PCBP3: variants seen among roughly 807,000 people sequenced by gnomAD.
The protein encoded by PCBP3 is poly(rC) binding protein 3, also known as poly(rC)-binding protein 3.
Under a neutral mutation model 52.7 loss-of-function variants are expected in PCBP3, and 25 were observed. The observed-to-expected ratio is 0.47, with a 90% CI of 0.35 to 0.66. The LOEUF is 0.66. Among genes scored for constraint, PCBP3 ranks in the 30% least tolerant of loss-of-function variants. The pLI is 0.01. For missense variants in PCBP3, 391 were observed against 490.3 expected (o/e 0.80, Z 1.91); for synonymous variants, 162 against 183.0 (o/e 0.89, Z 0.93).
chr21:45,910,993 T>C lies in PCBP3; in HGVS notation c.563T>C (p.Ile188Thr), dbSNP rs768634544. 1 of 1,611,774 alleles carries C rather than the reference T, an allele frequency of 6.2e-7. No individual in the cohort carries two copies. Among genetic ancestry groups the C allele is most frequent in the South Asian group, 1.1e-5 (1 of 91,064 alleles). ...VTISGTPDAI[I>T]QCVKQICVVM... is the part of the protein sequence containing the mutation. ...ATCTCGGGGACCCCAGATGCCATCA[T>C]CCAGTGCGTCAAGCAGATCTGTGTG... is the stretch of plus-strand genomic sequence containing the variant. The change falls in exon 11 of 18, where the codon ATC (isoleucine) becomes ACC (threonine). Residue 188 changes from isoleucine (I) to threonine (T), a missense_variant. Ile to Thr is a moderately conservative substitution (Grantham distance 89, BLOSUM62 -1). Coordinates refer to ENST00000681687, the MANE Select transcript of PCBP3 (RefSeq NM_001384156.1).
rs186328041 is a variant in PCBP3 at position 45,925,746 on chromosome 21, T to C, written c.718-4171T>C. On this transcript the variant is annotated intron_variant, in intron 13 of 17. Transcript: ENST00000681687. ...AAAAACTTTACTCATTACATGTTGA[T>C]AGAAAATTCAGCTCACAAGAAGATA... is the stretch of plus-strand genomic sequence containing the variant. Among the ~76,000 whole-genome samples the C allele has an allele frequency of 3.0e-3, 463 of 152,328 alleles. 1 individual carries two copies. Among genetic ancestry groups the C allele is most frequent in the African/African-American group, 0.01 (427 of 41,570 alleles).
At chr21:45,898,765 G>C (rs111468319) in intron 6 of PCBP3, among the ~76,000 whole-genome samples, 363 of 14,968 alleles carry the variant, frequency 0.024, no homozygotes, top group African/African-American at 0.031. Flanking sequence ...GCCTCCCTCT[G>C]CCTCCACGGG....
intron 4 of PCBP3, among the ~76,000 whole-genome samples, chr21:45,757,635 C>T (rs1310679967): frequency 3.3e-5 from 5 of 152,190 alleles, no homozygotes; most frequent in African/African-American, 1.2e-4. Flanking sequence ...GTGTTTTCCT[C>T]TAAGAAGTTT....
rs17004803 is a variant in PCBP3 at position 45,764,526 on chromosome 21, T to C, written c.-126+9074T>C. 5.8e-3 allele frequency among the ~76,000 whole-genome samples: 886 copies of C among 152,346 alleles called. 9 individuals carry two copies. The highest frequency in any genetic ancestry group is 0.02 in the African/African-American group (827 of 41,576). ...AGGGGTGCTGCATGTTCTGACCCTA[T>C]TTCTGACCACTTCCGTTAACCCTGC... On this transcript the variant is annotated intron_variant, in intron 4 of 17. Transcript: ENST00000681687.
intron 1 of PCBP3, among the ~76,000 whole-genome samples, chr21:45,661,928 A>G (rs927065835): frequency 1.3e-5 from 2 of 151,956 alleles, no homozygotes; most frequent in Admixed American, 6.6e-5. Flanking sequence ...TTTTTTGGCC[A>G]TTTGTATATC....
intron 2 of PCBP3, among the ~76,000 whole-genome samples, chr21:45,669,805 GTATATA>G (rs773020402): frequency 0.015 from 753 of 49,670 alleles, 4 homozygotes; most frequent in South Asian, 0.031. Flanking sequence ...GTGTGTGTGT[GTATATA>G]TATATATATA....
chr21:45,720,611 C>T (rs2084559718), intron 2 of PCBP3, among the ~76,000 whole-genome samples: 1 of 152,196 alleles, frequency 6.6e-6, no homozygotes, highest in South Asian at 2.1e-4. Context: ...TTCACAAATA[C>T]AATAATTGTA....
At chr21:45,655,129 G>A (rs1253974172) in intron 1 of PCBP3, among the ~76,000 whole-genome samples, 10 of 151,982 alleles carry the variant, frequency 6.6e-5, no homozygotes, top group South Asian at 4.1e-4. Flanking sequence ...TAGACATTTC[G>A]GTTGTTTTTT....
intron 1 of PCBP3, among the ~76,000 whole-genome samples, chr21:45,663,488 C>T (rs1188968575): frequency 6.6e-6 from 1 of 152,086 alleles, no homozygotes; most frequent in African/African-American, 2.4e-5. Flanking sequence ...TACATCTTTC[C>T]TAGGTTTTCT....
chr21:45,650,218 G>T (rs1399660828), intron 1 of PCBP3, among the ~76,000 whole-genome samples: 1 of 151,956 alleles, frequency 6.6e-6, no homozygotes, highest in African/African-American at 2.4e-5. Context: ...TGCATCTGTA[G>T]TCCTAGCTAC....
chr21:45,910,826 G>A lies in PCBP3; in HGVS notation c.472-76G>A, dbSNP rs112356833. 8.0e-4 allele frequency: 1,156 copies of A among 1,451,574 alleles called. 4 individuals carry two copies. In the African/African-American group the frequency reaches 0.011, roughly 14 times the overall value. 89.9% of individuals were successfully genotyped at this position (1,451,574 alleles called of 1,614,324 possible). On this transcript the variant is annotated intron_variant, in intron 10 of 17. Coordinates refer to ENST00000681687, the MANE Select transcript of PCBP3 (RefSeq NM_001384156.1). ...GGAAGTGTCCCCCGAGCTGCCTTGG[G>A]TGCCGAGACTCGGGAGGTACTGCTG... is the stretch of plus-strand genomic sequence containing the variant.
chr21:45,692,860 C>CT (rs2082563851), intron 2 of PCBP3, among the ~76,000 whole-genome samples: 1 of 152,126 alleles, frequency 6.6e-6, no homozygotes, highest in African/African-American at 2.4e-5. Context: ...CCTCATGTAA[C>CT]TAGGTACTAA....
intron 2 of PCBP3, among the ~76,000 whole-genome samples, chr21:45,699,200 A>G (rs548485708): frequency 5.2e-4 from 79 of 152,324 alleles, no homozygotes; most frequent in African/African-American, 1.7e-3. Flanking sequence ...CCACACCTCT[A>G]AGTCCCCAGC....
chr21:45,878,480 C>G (rs577614807), intron 5 of PCBP3, among the ~76,000 whole-genome samples: 1 of 152,360 alleles, frequency 6.6e-6, no homozygotes, highest in East Asian at 1.9e-4. Context: ...TGGGCACTGC[C>G]TGCCCTCTCT....
intron 2 of PCBP3, among the ~76,000 whole-genome samples, chr21:45,723,463 T>A (rs900266858): frequency 2.0e-5 from 3 of 152,260 alleles, no homozygotes; most frequent in Non-Finnish European, 4.4e-5. Flanking sequence ...TAGTGAATTT[T>A]AAAATTTTAA....
chr21:45,818,116 G>A (rs1165372435), intron 4 of PCBP3, among the ~76,000 whole-genome samples: 3 of 152,046 alleles, frequency 2.0e-5, no homozygotes, highest in Non-Finnish European at 4.4e-5. Flanking sequence ...TCCACCTCCC[G>A]GGTTCACACC....
At chr21:45,847,140 T>G (rs1050416162) in intron 4 of PCBP3, among the ~76,000 whole-genome samples, 1 of 152,214 alleles carries the variant, frequency 6.6e-6, no homozygotes, top group Non-Finnish European at 1.5e-5. Context: ...GGAAGGTCTG[T>G]GTTTTGTTCT....
chr21:45,917,797 C>A lies in PCBP3; in HGVS notation c.717+168C>A. 1.5e-6 allele frequency: 1 copy of A among 678,136 alleles called. No individual in the cohort carries two copies. Among genetic ancestry groups the A allele is most frequent in the Non-Finnish European group, 2.7e-6 (1 of 370,938 alleles). 42.0% of individuals were successfully genotyped at this position (678,136 alleles called of 1,614,324 possible). A position where few individuals can be genotyped will look rare whatever the true frequency, so the allele number is the denominator to read the frequency against. The stretch of plus-strand genomic sequence containing the variant: ...CATATGACCTCGAATAACCTTTTAA[C>A]CTCTTAGCACTAATTCTGCTTGTGT... On this transcript the variant is annotated intron_variant, in intron 13 of 17. Coordinates refer to ENST00000681687, the MANE Select transcript of PCBP3 (RefSeq NM_001384156.1). The surrounding 1 kb of genome is among the most constrained non-coding windows in gnomAD (Gnocchi z 5.3).
intron 2 of PCBP3, among the ~76,000 whole-genome samples, chr21:45,672,381 C>T (rs1230008441): frequency 6.6e-6 from 1 of 151,974 alleles, no homozygotes; most frequent in Non-Finnish European, 1.5e-5. Flanking sequence ...GGGAGTACAT[C>T]TTTCTTAGGG....
Sources: gnomAD v4.1 joint callset for allele counts (sites outside exome capture counted in the v4.1 genomes callset) on GRCh38, gnomAD v4.1.1 for gene constraint, Gnocchi (gnomAD v3.1) non-coding constraint, MANE v1.5 for transcripts, NCBI Gene and HGNC (gene_info 2026-07-23, HGNC 2026-07-21) for gene names.